CNTNAP2: variants seen among roughly 807,000 people sequenced by gnomAD.
CNTNAP2 encodes the protein contactin associated protein 2.
A neutral mutation model predicts 155.2 loss-of-function variants in CNTNAP2; 98 were observed. The ratio of observed to expected loss-of-function variants is 0.63; its 90% confidence interval spans 0.54 to 0.75. The LOEUF is 0.75. CNTNAP2 is among the 30% of genes least tolerant of loss of function. The probability of loss-of-function intolerance (pLI) is 0.00; values close to 1 mark genes in which losing one functional copy is unlikely to be tolerated. For missense variants in CNTNAP2, 1,727 were observed against 1,688.1 expected, an observed-to-expected ratio of 1.02 and a Z score of -0.40; for synonymous variants, 651 against 631.2, an observed-to-expected ratio of 1.03 and a Z score of -0.47.
At chr7:148,219,387 T>C (rs538888157) in intron 19 of CNTNAP2, among the ~76,000 whole-genome samples, 5 of 152,202 alleles carry the variant, frequency 3.3e-5, no homozygotes, top group Admixed American at 2.0e-4. Flanking sequence ...TCCACTGTTA[T>C]GGCATCTTAA....
rs562433032 is a variant in CNTNAP2, at chr7:147,486,149, C to T, written c.1777+108C>T. Reference sequence around the variant, plus strand: ...TGAATAATCCACATAATACATCACTCGAATCTGAAAAACCAAGATTCCAAT... The same window carrying T: ...TGAATAATCCACATAATACATCACTTGAATCTGAAAAACCAAGATTCCAAT... On this transcript the variant is annotated intron_variant, in intron 11 of 23. Transcript: ENST00000361727. 1.9e-4 allele frequency: 148 copies of T among 798,842 alleles called. No homozygotes were observed. The African/African-American group carries it at 2.0e-3, about 11-fold the overall frequency. The allele number at this position is 798,842 out of a possible 1,614,324, so 49.5% of individuals were successfully genotyped here.
intron 15 of CNTNAP2, among the ~76,000 whole-genome samples, chr7:148,067,637 C>T (rs1368631404): frequency 1.3e-5 from 2 of 152,234 alleles, no homozygotes; most frequent in African/African-American, 4.8e-5. Context: ...AGAGCATCAG[C>T]TGAAACAAGC....
intron 11 of CNTNAP2, among the ~76,000 whole-genome samples, chr7:147,487,635 A>G (rs896002698): frequency 6.6e-6 from 1 of 152,184 alleles, no homozygotes; most frequent in African/African-American, 2.4e-5. Flanking sequence ...TGGCTTTTAC[A>G]TTGAACTGAA....
chr7:148,345,350 ATTTGTTTG>A (rs151233205), intron 21 of CNTNAP2, among the ~76,000 whole-genome samples: 49,182 of 150,930 alleles, frequency 0.33, 8,584 homozygotes, highest in Non-Finnish European at 0.4. Context: ...TTCTATTTTT[ATTTGTTTG>A]TTTGTTTGTT....
intron 9 of CNTNAP2, among the ~76,000 whole-genome samples, chr7:147,320,383 G>A (rs1027139682): frequency 6.6e-6 from 1 of 152,172 alleles, no homozygotes; most frequent in Non-Finnish European, 1.5e-5. Context: ...GGTGCAGGGA[G>A]ATTTTTTACT....
At chr7:146,159,567 CA>C (rs1029215657) in intron 1 of CNTNAP2, among the ~76,000 whole-genome samples, 3 of 150,696 alleles carry the variant, frequency 2.0e-5, no homozygotes, top group East Asian at 1.9e-4. Flanking sequence ...AAATGGAAAA[CA>C]AAAAAAAGCA....
intron 8 of CNTNAP2, among the ~76,000 whole-genome samples, chr7:147,285,788 G>A (rs1035797534): frequency 3.3e-5 from 5 of 151,922 alleles, no homozygotes; most frequent in Admixed American, 6.6e-5. Context: ...CACCAGCCTT[G>A]AAGACGGGAC....
At chr7:146,293,413 T>G (rs1800463144) in intron 1 of CNTNAP2, among the ~76,000 whole-genome samples, 2 of 152,198 alleles carry the variant, frequency 1.3e-5, no homozygotes, top group African/African-American at 4.8e-5. Context: ...TGACCTAGTC[T>G]TCTATGATGG....
At chr7:148,134,533 G>GA (rs1266576085) in intron 16 of CNTNAP2, among the ~76,000 whole-genome samples, 3 of 151,960 alleles carry the variant, frequency 2.0e-5, no homozygotes, top group Non-Finnish European at 4.4e-5. Context: ...TGACCACTCT[G>GA]TTTTTTAAAA....
At chr7:147,138,319 T>TAA (rs2099486723) in intron 8 of CNTNAP2, among the ~76,000 whole-genome samples, 1 of 151,940 alleles carries the variant, frequency 6.6e-6, no homozygotes, top group Admixed American at 6.6e-5. Context: ...GTGAGATAGA[T>TAA]AAAGATCTGA....
intron 16 of CNTNAP2, among the ~76,000 whole-genome samples, chr7:148,144,343 A>T (rs948698571): frequency 2.0e-5 from 3 of 152,218 alleles, no homozygotes; most frequent in Non-Finnish European, 4.4e-5. Context: ...GGGGTTTCCT[A>T]AGTCCAGGGT....
At chr7:148,196,889 G>T (rs1250751828) in intron 18 of CNTNAP2, among the ~76,000 whole-genome samples, 2 of 152,138 alleles carry the variant, frequency 1.3e-5, no homozygotes, top group Admixed American at 1.3e-4. Context: ...CTAACTGCTT[G>T]CACCAGGGTC....
chr7:147,838,352 C>T (rs541168041), intron 13 of CNTNAP2, among the ~76,000 whole-genome samples: 101 of 152,312 alleles, frequency 6.6e-4, no homozygotes, highest in African/African-American at 2.3e-3. Flanking sequence ...CTCCTCATTA[C>T]TTATCCAAAT....
intron 1 of CNTNAP2, among the ~76,000 whole-genome samples, chr7:146,406,453 GA>G (rs1449639358): frequency 2.6e-5 from 4 of 152,174 alleles, no homozygotes; most frequent in Non-Finnish European, 4.4e-5. Flanking sequence ...TTCTTTCTAG[GA>G]CAGTTACAGA....
intron 14 of CNTNAP2, 128 bp downstream of exon 14, chr7:147,903,849 A>C: frequency 8.5e-7 from 1 of 1,178,964 alleles, no homozygotes; most frequent in Non-Finnish European, 1.2e-6. Context: ...GTCTGGAACT[A>C]ACCCAACTGA....
At chr7:146,360,426 A>G (rs545813500) in intron 1 of CNTNAP2, among the ~76,000 whole-genome samples, 1 of 152,378 alleles carries the variant, frequency 6.6e-6, no homozygotes, top group South Asian at 2.1e-4. Flanking sequence ...TGAACAAGAT[A>G]TAAACCCTTG....
intron 1 of CNTNAP2, among the ~76,000 whole-genome samples, chr7:146,355,851 C>G (rs1421906618): frequency 6.6e-6 from 1 of 151,720 alleles, no homozygotes; most frequent in African/African-American, 2.4e-5. Flanking sequence ...TACTTTTTTT[C>G]CATTCTGTCA....
intron 1 of CNTNAP2, among the ~76,000 whole-genome samples, chr7:146,279,363 T>C (rs1016368473): frequency 2.0e-5 from 3 of 151,942 alleles, no homozygotes; most frequent in Non-Finnish European, 4.4e-5. Flanking sequence ...TAGAAGCTGG[T>C]TAGAAGAAAT....
intron 21 of CNTNAP2, among the ~76,000 whole-genome samples, chr7:148,300,455 T>C (rs1797363514): frequency 1.3e-5 from 2 of 152,208 alleles, no homozygotes; most frequent in Non-Finnish European, 2.9e-5. Context: ...GGATAGTCTT[T>C]TGTTTCATGG....
Sources: gnomAD v4.1 joint callset for allele counts (sites outside exome capture counted in the v4.1 genomes callset) on GRCh38, gnomAD v4.1.1 for gene constraint, MANE v1.5 for transcripts, NCBI Gene and HGNC (gene_info 2026-07-23, HGNC 2026-07-21) for gene names.